The following MED27 variants were observed in gnomAD, a reference collection of about 807,000 sequenced individuals.
MED27 encodes mediator complex subunit 27.
Under a neutral mutation model 38.2 loss-of-function variants are expected in MED27, and 30 were observed. That is an observed-to-expected ratio of 0.79 (90% confidence interval 0.59 to 1.07). MED27 has a LOEUF of 1.07. MED27 is among the 50% of genes least tolerant of loss of function. The pLI is 0.00. For missense variants in MED27, 289 were observed against 397.5 expected, an observed-to-expected ratio of 0.73 and a Z score of 2.32; for synonymous variants, 122 against 153.5, an observed-to-expected ratio of 0.79 and a Z score of 1.52.
Position 132,077,568 on chromosome 9 carries a change from G to T in MED27, c.222C>A (p.Ser74Arg). ...TCTCAGATGGCTTGCCTACCAGATT[G>T]CTCAGACGTTCCAGCTCACTGAAAA... is the stretch of plus-strand genomic sequence containing the variant. ...NRDLNELERL[S>R]NLVGKPSENH... The change falls in exon 2 of 8, where the codon AGC (serine) becomes AGA (arginine). Residue 74 changes from serine (S) to arginine (R), a missense_variant. Ser to Arg is a moderately radical substitution (Grantham distance 110). Coordinates refer to ENST00000292035, the MANE Select transcript of MED27 (RefSeq NM_004269.4). The T allele has an allele frequency of 6.2e-7, 1 of 1,614,090 alleles. No homozygotes were observed. Among genetic ancestry groups the T allele is most frequent in the Non-Finnish European group, 8.5e-7 (1 of 1,180,004 alleles).
intron 2 of MED27, among the ~76,000 whole-genome samples, chr9:132,032,386 A>T (rs2131104780): frequency 6.6e-6 from 1 of 152,046 alleles, no homozygotes; most frequent in South Asian, 2.1e-4. Context: ...CTTTGGCAAA[A>T]CCACCTGTCA....
At chr9:131,992,584 A>G (rs1832000324) in intron 3 of MED27, among the ~76,000 whole-genome samples, 2 of 152,110 alleles carry the variant, frequency 1.3e-5, no homozygotes, top group Admixed American at 1.3e-4. Flanking sequence ...AAATTTTTGT[A>G]GAGATGGGGA....
intron 2 of MED27, among the ~76,000 whole-genome samples, chr9:132,041,468 A>C (rs1833208538): frequency 6.6e-6 from 1 of 152,190 alleles, no homozygotes; most frequent in Non-Finnish European, 1.5e-5. Flanking sequence ...AACATTTAAC[A>C]TAGGGGACTG....
intron 4 of MED27, among the ~76,000 whole-genome samples, chr9:131,919,659 C>T (rs1207735206): frequency 6.6e-6 from 1 of 152,126 alleles, no homozygotes; most frequent in Non-Finnish European, 1.5e-5. Flanking sequence ...AGACTGCACA[C>T]AGTGCCCAGC....
intron 3 of MED27, among the ~76,000 whole-genome samples, chr9:131,994,960 A>C (rs781454364): frequency 2.0e-5 from 3 of 151,938 alleles, no homozygotes; most frequent in Non-Finnish European, 4.4e-5. Context: ...TGCATTACAA[A>C]CTCACTCGGG....
intron 5 of MED27, among the ~76,000 whole-genome samples, chr9:131,892,563 G>A (rs1019191538): frequency 1.3e-5 from 2 of 152,110 alleles, no homozygotes; most frequent in East Asian, 1.9e-4. Flanking sequence ...TCTCCAATTC[G>A]TTTGTAAGTC....
intron 1 of MED27, among the ~76,000 whole-genome samples, chr9:132,078,357 T>A (rs1276608413): frequency 6.6e-6 from 1 of 152,172 alleles, no homozygotes; most frequent in Non-Finnish European, 1.5e-5. Context: ...ATGTCAGCAC[T>A]CTTAAAGTTT....
At chr9:131,890,553 A>G (rs1206116182) in intron 5 of MED27, among the ~76,000 whole-genome samples, 1 of 152,022 alleles carries the variant, frequency 6.6e-6, no homozygotes, top group Non-Finnish European at 1.5e-5. Flanking sequence ...TTTAGTCCCC[A>G]TTTCTCATTT....
intron 2 of MED27, chr9:132,073,889 T>A: frequency 8.8e-7 from 1 of 1,137,618 alleles, no homozygotes; most frequent in Non-Finnish European, 1.2e-6. Context: ...GACGTCTTAG[T>A]CTGCTTTTCC....
At chr9:131,986,014 C>T (rs1182644873) in intron 3 of MED27, among the ~76,000 whole-genome samples, 1 of 151,830 alleles carries the variant, frequency 6.6e-6, no homozygotes, top group Non-Finnish European at 1.5e-5. Context: ...AAAAGCTTTA[C>T]AGAATAAGAA....
intron 3 of MED27, among the ~76,000 whole-genome samples, chr9:132,001,578 T>C (rs1173978815): frequency 1.3e-5 from 2 of 152,222 alleles, no homozygotes; most frequent in East Asian, 3.8e-4. Flanking sequence ...GCCTATCCTT[T>C]TCTGTGGATC....
chr9:132,045,711 C>T (rs1215060661), intron 2 of MED27, among the ~76,000 whole-genome samples: 1 of 152,174 alleles, frequency 6.6e-6, no homozygotes, highest in African/African-American at 2.4e-5. Context: ...TTTTGAGTTA[C>T]GGAACTCCAG....
At chr9:131,975,111 T>C (rs1831575411) in intron 3 of MED27, among the ~76,000 whole-genome samples, 1 of 152,226 alleles carries the variant, frequency 6.6e-6, no homozygotes, top group Non-Finnish European at 1.5e-5. Flanking sequence ...GTAAAACTTG[T>C]TTTAGTTGCT....
intron 3 of MED27, among the ~76,000 whole-genome samples, chr9:132,011,522 C>T (rs545356932): frequency 3.6e-4 from 55 of 152,174 alleles, no homozygotes; most frequent in South Asian, 3.3e-3. Flanking sequence ...TGCAATGGGG[C>T]GGGACGCAGT....
chr9:131,895,281 C>T (rs73551427), intron 4 of MED27, among the ~76,000 whole-genome samples: 1,707 of 152,260 alleles, frequency 0.011, 30 homozygotes, highest in African/African-American at 0.039. Context: ...GGGACCCACC[C>T]GCCCATAGTG....
Position 132,033,087 on chromosome 9 carries a change from TTG to T in MED27, c.349-18622_349-18621del, listed in dbSNP as rs1450061865. Among the ~76,000 whole-genome samples, 7 of 152,328 alleles carry T rather than the reference TTG, an allele frequency of 4.6e-5. No individual in the cohort carries two copies. In the East Asian group the frequency reaches 1.3e-3, roughly 29 times the overall value. On this transcript the variant is annotated intron_variant, in intron 2 of 7. Coordinates refer to ENST00000292035, the MANE Select transcript of MED27 (RefSeq NM_004269.4). ...CTAAAAGCAGCCCCATACATGCTGT[TTG>T]TGTCTCTAAACATATCACTCTATTA...
chr9:132,035,992 C>A lies in MED27; in HGVS notation c.349-21525G>T, dbSNP rs550141323. 3.3e-5 allele frequency among the ~76,000 whole-genome samples: 5 copies of A among 151,960 alleles called. No homozygotes were observed. In the South Asian group the frequency reaches 8.4e-4, roughly 25 times the overall value. ...AAAAAACACAAAAACACAAAAAAAA[C>A]CCCAAGACCACAGAGAATGGGGCCT... is the stretch of plus-strand genomic sequence containing the variant. On this transcript the variant is annotated intron_variant, in intron 2 of 7. Transcript: ENST00000292035.
intron 3 of MED27, among the ~76,000 whole-genome samples, chr9:131,989,752 T>C (rs192650236): frequency 6.6e-6 from 1 of 151,588 alleles, no homozygotes; most frequent in African/African-American, 2.4e-5. Flanking sequence ...TCCTGTTTCA[T>C]GTATCCCTCC....
chr9:132,009,624 A>T (rs1035090758), intron 3 of MED27, among the ~76,000 whole-genome samples: 1 of 152,174 alleles, frequency 6.6e-6, no homozygotes, highest in African/African-American at 2.4e-5. Context: ...TTGCAAGTGG[A>T]GCTCCTAATC....
Sources: gnomAD v4.1 joint callset for allele counts (sites outside exome capture counted in the v4.1 genomes callset) on GRCh38, gnomAD v4.1.1 for gene constraint, MANE v1.5 for transcripts, NCBI Gene and HGNC (gene_info 2026-07-23, HGNC 2026-07-21) for gene names.